The following ERVFRD-1 variants were observed in gnomAD, a reference collection of about 807,000 sequenced individuals.
ERVFRD-1 encodes syncytin-2.
A neutral mutation model predicts 43.8 loss-of-function variants in ERVFRD-1; 33 were observed. The ratio of observed to expected loss-of-function variants is 0.75; its 90% CI spans 0.57 to 1.01. The LOEUF (loss-of-function observed/expected upper bound fraction) is 1.01. ERVFRD-1 is among the 50% of genes least tolerant of loss of function. The pLI is 0.00. For synonymous variants in ERVFRD-1, 239 were observed against 244.4 expected (o/e 0.98, Z 0.21); for missense variants, 568 against 658.4 (o/e 0.86, Z 1.50).
chr6:11,104,167 T>G lies in ERVFRD-1; in HGVS notation c.1144A>C (p.Ser382Arg), dbSNP rs1313647256. The G allele has an allele frequency of 3.2e-6, 5 of 1,551,408 alleles. No individual in the cohort carries two copies. Among genetic ancestry groups the G allele is most frequent in the Non-Finnish European group, 4.4e-6 (5 of 1,146,926 alleles). The stretch of plus-strand genomic sequence containing the variant: ...TTGGCTATTTCCTTTGAGAGCTGGC[T>G]ATAGGTGAGGGAAGCTTTTGTGATT... ...AGITKASLTY[S>R]QLSKEIANNI... The change falls in exon 2 of 2, where the codon AGC (serine) becomes CGC (arginine). Residue 382 changes from serine to arginine, a missense_variant. By Grantham distance (110) the Ser-to-Arg change is moderately radical (BLOSUM62 -1). Coordinates refer to ENST00000472091, the MANE Select transcript of ERVFRD-1 (RefSeq NM_207582.3).
rs61185321 is a variant in ERVFRD-1 at position 11,102,870 on chromosome 6, T to G, written c.*824A>C. 32,841 of 152,140 alleles carry G rather than the reference T, an allele frequency of 0.22. 3,897 individuals carry two copies. Among genetic ancestry groups the G allele is most frequent in the African/African-American group, 0.31 (12,832 of 41,452 alleles). 9.4% of individuals were successfully genotyped at this position (152,140 alleles called of 1,614,324 possible). On this transcript the variant is annotated 3_prime_UTR_variant, in exon 2 of 2. Transcript: ENST00000472091. ...GCATGATAGTCCAAGGCAAGTTTTA[T>G]AGCAGGAGTAAAAGTTTTAGAGCAA...
rs149478902 is a variant in ERVFRD-1 at position 11,109,900 on chromosome 6, G to A, written c.-321+1777C>T. Among the ~76,000 whole-genome samples, 892 of 152,144 alleles carry A rather than the reference G, an allele frequency of 5.9e-3. 3 individuals are homozygous for A. The highest frequency in any genetic ancestry group is 0.024 in the South Asian group (113 of 4,806). ...AGGCAACCCCTCCAATTTCCCTACT[G>A]TCTTTTTCCTGAACTTACAGCAGAC... On this transcript the variant is annotated intron_variant, in intron 1 of 1. Transcript: ENST00000472091.
intron 1 of ERVFRD-1, among the ~76,000 whole-genome samples, chr6:11,110,332 C>T (rs1416931567): frequency 6.6e-6 from 1 of 152,186 alleles, no homozygotes; most frequent in Non-Finnish European, 1.5e-5. Context: ...GTACTTTGGT[C>T]TCTTGCATCT....
rs1376713340 is a variant in ERVFRD-1, at chr6:11,104,613, G to A, written c.698C>T (p.Thr233Ile). ...STAEWVLLDQ[T>I]RNSLFWENKT... The stretch of plus-strand genomic sequence containing the variant: ...ATTTTCCCAAAAAAGAGAATTTCGA[G>A]TTTGGTCCAATAGAACCCATTCCGC... Residue 233 changes from threonine to isoleucine, a missense_variant, in exon 2 of 2, where the codon ACT (threonine) becomes ATT (isoleucine). Physicochemically the swap from Thr to Ile is moderately conservative, Grantham distance 89 (BLOSUM62 -1). Transcript: ENST00000472091. 6.8e-6 allele frequency: 11 copies of A among 1,614,078 alleles called. No individual in the cohort carries two copies. Among genetic ancestry groups the A allele is most frequent in the Non-Finnish European group, 9.3e-6 (11 of 1,180,030 alleles).
chr6:11,104,040 G>A lies in ERVFRD-1; in HGVS notation c.1271C>T (p.Thr424Met), dbSNP rs148418920. ...LQNRRGLDML[T>M]AAQGGICLAL... ...CAAACAAATTCCTCCCTGTGCTGCCGTTAACATGTCTAGTCCTCGACGATT... is the reference window on the plus strand; with the variant it reads ...CAAACAAATTCCTCCCTGTGCTGCCATTAACATGTCTAGTCCTCGACGATT... Residue 424 changes from threonine (T) to methionine (M), a missense_variant, in exon 2 of 2, where the codon ACG becomes ATG. By Grantham distance (81) the Thr-to-Met change is moderately conservative (BLOSUM62 -1). Coordinates refer to ENST00000472091, the MANE Select transcript of ERVFRD-1 (RefSeq NM_207582.3). 1.7e-4 allele frequency: 271 copies of A among 1,551,714 alleles called. 1 individual carries two copies. In the East Asian group the frequency reaches 4.6e-3, roughly 26 times the overall value.
Position 11,105,311 on chromosome 6 carries a change from G to T in ERVFRD-1, c.-1C>A. ...TGAGAACCAGCAGGAGCAGGCCCAT[G>T]GTGACCTAAGAGAAACTGGTCACAA... On this transcript the variant is annotated 5_prime_UTR_variant, in exon 2 of 2. Transcript: ENST00000472091. The T allele has an allele frequency of 1.2e-6, 2 of 1,608,550 alleles. No homozygotes were observed. Among genetic ancestry groups the T allele is most frequent in the South Asian group, 2.2e-5 (2 of 90,468 alleles).
Position 11,104,723 on chromosome 6 carries a change from G to C in ERVFRD-1, c.588C>G (p.Arg196=). Residue 196 remains arginine, a synonymous_variant, in exon 2 of 2, where the codon CGC becomes CGG. Coordinates refer to ENST00000472091, the MANE Select transcript of ERVFRD-1 (RefSeq NM_207582.3). ...LDKSSRFCQG[R]PSSCSTRNFW... is the part of the protein sequence containing the mutation. ...AGTTTCGAGTACTGCATGAGCTTGG[G>C]CGTCCCTGGCAAAACCGGCTGGATT... 1 of 1,614,208 alleles carries C rather than the reference G, an allele frequency of 6.2e-7. No individual in the cohort carries two copies. Among genetic ancestry groups the C allele is most frequent in the Non-Finnish European group, 8.5e-7 (1 of 1,180,034 alleles).
chr6:11,111,282 A>G (rs918168940), intron 1 of ERVFRD-1, among the ~76,000 whole-genome samples: 1 of 152,228 alleles, frequency 6.6e-6, no homozygotes, highest in Non-Finnish European at 1.5e-5. Context: ...AGTTGGTCCA[A>G]TGGGTGTGCG....
intron 1 of ERVFRD-1, among the ~76,000 whole-genome samples, chr6:11,106,945 G>A (rs1334093490): frequency 2.0e-5 from 3 of 152,194 alleles, no homozygotes; most frequent in Non-Finnish European, 4.4e-5. Context: ...TTTGGAATTT[G>A]TATATACTCC....
At chr6:11,107,793 G>A (rs748224448) in intron 1 of ERVFRD-1, among the ~76,000 whole-genome samples, 20 of 152,178 alleles carry the variant, frequency 1.3e-4, no homozygotes, top group Non-Finnish European at 2.1e-4. Context: ...AAGATGGGGT[G>A]TTATAGGGTA....
In ERVFRD-1 at chr6:11,104,312, G is replaced by C. The variant is rs1374268013; in HGVS notation, c.999C>G (p.Leu333=). The C allele has an allele frequency of 6.4e-7, 1 of 1,551,726 alleles. No homozygotes were observed. Among genetic ancestry groups the C allele is most frequent in the East Asian group, 2.4e-5 (1 of 40,924 alleles). The change falls in exon 2 of 2, where the codon CTC becomes CTG. Residue 333 remains leucine, a synonymous_variant. Transcript: ENST00000472091. ...TPDIFIAPGN[L]SLPIPIYGNS... The stretch of plus-strand genomic sequence containing the variant: ...TCCCATAGATTGGTATTGGAAGAGA[G>C]AGATTGCCAGGGGCTATGAAGATGT...
Position 11,104,812 on chromosome 6 carries a change from G to C in ERVFRD-1, c.499C>G (p.Arg167Gly), listed in dbSNP as rs776530304. The C allele has an allele frequency of 1.2e-6, 2 of 1,614,068 alleles. No homozygotes were observed. Among genetic ancestry groups the C allele is most frequent in the Non-Finnish European group, 1.7e-6 (2 of 1,180,036 alleles). The change falls in exon 2 of 2, where the codon CGC (arginine) becomes GGC (glycine). Residue 167 changes from arginine (R) to glycine (G), a missense_variant. Arg to Gly is a moderately radical substitution (Grantham distance 125). Coordinates refer to ENST00000472091, the MANE Select transcript of ERVFRD-1 (RefSeq NM_207582.3). ...GGTTTGGGGAATCTTGGTTGATGGCGGAATTGGTTGTGGGTGTATGTTTGG... is the reference window on the plus strand; with the variant it reads ...GGTTTGGGGAATCTTGGTTGATGGCCGAATTGGTTGTGGGTGTATGTTTGG... ...TYQTYTHNQF[R>G]HQPRFPKPPN...
chr6:11,106,211 C>T (rs1758080497), intron 1 of ERVFRD-1, among the ~76,000 whole-genome samples: 1 of 152,124 alleles, frequency 6.6e-6, no homozygotes, highest in East Asian at 1.9e-4. Flanking sequence ...ACCTCCTGTG[C>T]CTTTTCAGTC....
rs1342695224 is a variant in ERVFRD-1, at chr6:11,104,397, A to T, written c.914T>A (p.Ile305Asn). The change falls in exon 2 of 2, where the codon ATT becomes AAT. Residue 305 changes from isoleucine (I) to asparagine (N), a missense_variant. Transcript: ENST00000472091. The part of the protein sequence containing the change: ...QGAFYICGQS[I>N]HQCLPSNWTG... ...CCAGTTACTGGGGAGGCATTGGTGA[A>T]TCGACTGGCCACAAATATAAAAGGC... is the stretch of plus-strand genomic sequence containing the variant. 1 of 1,551,576 alleles carries T rather than the reference A, an allele frequency of 6.4e-7. No individual in the cohort carries two copies. The highest frequency in any genetic ancestry group is 8.7e-7 in the Non-Finnish European group (1 of 1,146,994).
In ERVFRD-1 at chr6:11,103,330, T is replaced by G; in HGVS notation, c.*364A>C. On this transcript the variant is annotated 3_prime_UTR_variant, in exon 2 of 2. Transcript: ENST00000472091. Reference sequence around the variant, plus strand: ...GTTCCCTGGCGCCAGCTGCCACTCATTATTATGTTAGAGACACAGCTTAAC... The same window carrying G: ...GTTCCCTGGCGCCAGCTGCCACTCAGTATTATGTTAGAGACACAGCTTAAC... 4 of 195,540 alleles carry G rather than the reference T, an allele frequency of 2.0e-5. No individual in the cohort carries two copies. Among genetic ancestry groups the G allele is most frequent in the African/African-American group, 2.3e-5 (1 of 43,030 alleles). The allele number at this position is 195,540 out of a possible 1,614,324, so 12.1% of individuals were successfully genotyped here.
In ERVFRD-1 at chr6:11,103,652, G is replaced by A. The variant is rs1478799781; in HGVS notation, c.*42C>T. 1.3e-5 allele frequency: 20 copies of A among 1,495,074 alleles called. No individual in the cohort carries two copies. The highest frequency in any genetic ancestry group is 2.8e-5 in the African/African-American group (2 of 71,042). The allele number at this position is 1,495,074 out of a possible 1,614,324, so 92.6% of individuals were successfully genotyped here. On this transcript the variant is annotated 3_prime_UTR_variant, in exon 2 of 2. Coordinates refer to ENST00000472091, the MANE Select transcript of ERVFRD-1 (RefSeq NM_207582.3). The stretch of plus-strand genomic sequence containing the variant: ...TCCACGGGAGACGGGGCAGGATTTC[G>A]CCTCTGTCGTGTTCCACTAGCGAGC...
At chr6:11,107,092 C>T (rs1346606799) in intron 1 of ERVFRD-1, among the ~76,000 whole-genome samples, 12 of 152,168 alleles carry the variant, frequency 7.9e-5, no homozygotes, top group Admixed American at 7.9e-4. Flanking sequence ...CTAGCTCTAT[C>T]CCTGACAAAG....
In ERVFRD-1 at chr6:11,104,229, A is replaced by G; in HGVS notation, c.1082T>C (p.Leu361Pro). The G allele has an allele frequency of 6.4e-7, 1 of 1,551,668 alleles. No homozygotes were observed. The highest frequency in any genetic ancestry group is 8.7e-7 in the Non-Finnish European group (1 of 1,146,982). The stretch of plus-strand genomic sequence containing the variant: ...GGTTCCCGTACCAGCTAGAATGCCG[A>G]GTCCCGCGAGAAGGGGAATGAAATG... The part of the protein sequence containing the change: ...AIHFIPLLAG[L>P]GILAGTGTGI... The change falls in exon 2 of 2, where the codon CTC (leucine) becomes CCC (proline). Residue 361 changes from leucine (L) to proline (P), a missense_variant. Physicochemically the swap from Leu to Pro is moderately conservative, Grantham distance 98. Coordinates refer to ENST00000472091, the MANE Select transcript of ERVFRD-1 (RefSeq NM_207582.3).
intron 1 of ERVFRD-1, among the ~76,000 whole-genome samples, chr6:11,110,428 C>A (rs1299304386): frequency 6.6e-6 from 1 of 152,186 alleles, no homozygotes; most frequent in African/African-American, 2.4e-5. Context: ...ATGATTATCT[C>A]TTCTCAGATT....
Sources: allele counts gnomAD v4.1 joint callset (sites outside exome capture counted in the v4.1 genomes callset), GRCh38; gene constraint gnomAD v4.1.1; transcripts MANE v1.5; gene names NCBI Gene and HGNC (gene_info 2026-07-23, HGNC 2026-07-21).